Variants in DIAPH2 observed in about 807,000 individuals in gnomAD.
DIAPH2 encodes the protein protein diaphanous homolog 2.
A neutral mutation model predicts 92.7 loss-of-function variants in DIAPH2; 35 were observed. That is an observed-to-expected ratio of 0.38 (90% CI 0.29 to 0.50). The LOEUF (loss-of-function observed/expected upper bound fraction) is 0.50, where lower values mean the gene tolerates loss of function less well. Ranked by LOEUF, DIAPH2 falls within the 20% of genes least tolerant of loss-of-function variation. DIAPH2 has a pLI of 0.94. For synonymous variants in DIAPH2, 301 were observed against 280.4 expected, an observed-to-expected ratio of 1.07 and a Z score of -0.73; for missense variants, 701 against 819.5, an observed-to-expected ratio of 0.86 and a Z score of 1.77.
At chrX:97,092,925 C>G (rs773341604) in intron 19 of DIAPH2, among the ~76,000 whole-genome samples, 2 of 111,052 alleles carry the variant, frequency 1.8e-5, no homozygotes, top group Non-Finnish European at 3.8e-5. Flanking sequence ...TGGCTTACAC[C>G]TATAATCCCA....
chrX:96,726,598 A>C (rs1375785829), intron 1 of DIAPH2, among the ~76,000 whole-genome samples: 3 of 112,069 alleles, frequency 2.7e-5, no homozygotes, highest in African/African-American at 9.7e-5. Flanking sequence ...ACTGAAAAAG[A>C]GCTGGAGCTC....
chrX:96,851,473 C>T (rs1169610746), intron 4 of DIAPH2, among the ~76,000 whole-genome samples: 2 of 111,771 alleles, frequency 1.8e-5, no homozygotes, highest in Non-Finnish European at 3.8e-5. Flanking sequence ...ACCACCCCCC[C>T]TTGCCAAATC....
intron 24 of DIAPH2, among the ~76,000 whole-genome samples, chrX:97,365,172 C>T (rs1323702550): frequency 9.0e-6 from 1 of 110,814 alleles, no homozygotes; most frequent in African/African-American, 3.3e-5. Context: ...AGAATCTTAC[C>T]AAAGCACCGT....
At chrX:97,522,363 T>A (rs952843029) in intron 26 of DIAPH2, among the ~76,000 whole-genome samples, 1 of 111,993 alleles carries the variant, frequency 8.9e-6, no homozygotes, top group Non-Finnish European at 1.9e-5. Context: ...CCCAGCCTGG[T>A]CTCAAACTTC....
Position 97,104,620 on chromosome X carries a change from A to G in DIAPH2, c.2349+4825A>G, listed in dbSNP as rs558358. Among the ~76,000 whole-genome samples, 901 of 110,231 alleles carry G rather than the reference A, an allele frequency of 8.2e-3. 8 individuals carry two copies. The highest frequency in any genetic ancestry group is 0.028 in the African/African-American group (841 of 30,276). ...GGTGTTGAACTCCTGGCCTCTAGCA[A>G]TCCTCCTGCTTCAGCCTCCCAAAAT... On this transcript the variant is annotated intron_variant, in intron 20 of 26. Transcript: ENST00000324765.
intron 23 of DIAPH2, among the ~76,000 whole-genome samples, chrX:97,266,001 A>G (rs1033939703): frequency 1.8e-5 from 2 of 112,100 alleles, no homozygotes; most frequent in Non-Finnish European, 3.8e-5. Flanking sequence ...TTTATCACAT[A>G]CGTTCCTAGT....
At chrX:97,209,829 G>A (rs1236224808) in intron 22 of DIAPH2, among the ~76,000 whole-genome samples, 6 of 110,519 alleles carry the variant, frequency 5.4e-5, no homozygotes, top group Non-Finnish European at 1.1e-4. Flanking sequence ...TTTATTGTTA[G>A]GACCATTTAT....
intron 15 of DIAPH2, among the ~76,000 whole-genome samples, chrX:96,952,395 A>T (rs1289856073): frequency 1.8e-5 from 2 of 112,054 alleles, no homozygotes; most frequent in Non-Finnish European, 3.8e-5. Flanking sequence ...TAAATAGGTC[A>T]GTCCTTTCAA....
chrX:96,749,845 G>A (rs1300338233), intron 3 of DIAPH2, among the ~76,000 whole-genome samples: 1 of 110,809 alleles, frequency 9.0e-6, no homozygotes, highest in Admixed American at 9.7e-5. Context: ...ACACCAGGAA[G>A]AAAGAGGAAG....
At chrX:96,691,954 T>G (rs769648375) in intron 1 of DIAPH2, among the ~76,000 whole-genome samples, 1 of 112,319 alleles carries the variant, frequency 8.9e-6, no homozygotes, top group Non-Finnish European at 1.9e-5. Context: ...AAAAAATCTA[T>G]TTGTTGTTCT....
chrX:96,933,550 A>ATG (rs1409902749), intron 10 of DIAPH2, among the ~76,000 whole-genome samples: 2 of 103,287 alleles, frequency 1.9e-5, no homozygotes, highest in African/African-American at 7.0e-5. Context: ...GTATATATAT[A>ATG]TGTGTGTGTG....
chrX:96,984,619 T>C (rs1322219636), intron 17 of DIAPH2, among the ~76,000 whole-genome samples: 1 of 111,402 alleles, frequency 9.0e-6, no homozygotes, highest in Non-Finnish European at 1.9e-5. Context: ...TCAGGATTAA[T>C]ATGGTTAGAA....
chrX:97,193,753 C>G (rs2067675327), intron 22 of DIAPH2, among the ~76,000 whole-genome samples: 1 of 111,788 alleles, frequency 8.9e-6, no homozygotes, highest in African/African-American at 3.2e-5. Context: ...TTTTAGCATC[C>G]TCACAAAATA....
chrX:97,289,080 CTA>C (rs2068569279), intron 23 of DIAPH2, among the ~76,000 whole-genome samples: 1 of 111,659 alleles, frequency 9.0e-6, no homozygotes, highest in Non-Finnish European at 1.9e-5. Flanking sequence ...GTTATGGACT[CTA>C]TCAACCAAAT....
intron 23 of DIAPH2, among the ~76,000 whole-genome samples, chrX:97,301,150 CAA>C (rs1220185711): frequency 1.2e-4 from 4 of 32,266 alleles, no homozygotes; most frequent in Admixed American, 3.8e-4. Context: ...GACTCCGTCT[CAA>C]AAAAAAAAAA....
intron 4 of DIAPH2, chrX:96,763,161 G>T: frequency 1.1e-6 from 1 of 908,843 alleles, no homozygotes. Context: ...ATATGAATTT[G>T]TGGTTTTGTA....
intron 25 of DIAPH2, among the ~76,000 whole-genome samples, chrX:97,426,502 C>T (rs778359980): frequency 1.8e-5 from 2 of 110,086 alleles, no homozygotes; most frequent in Non-Finnish European, 3.8e-5. Flanking sequence ...GTTGGTCAGG[C>T]TGGTCTTGAA....
chrX:97,222,479 C>T (rs1007858737), intron 22 of DIAPH2, among the ~76,000 whole-genome samples: 1 of 111,953 alleles, frequency 8.9e-6, no homozygotes, highest in Non-Finnish European at 1.9e-5. Flanking sequence ...GCTGGGATTA[C>T]AGGCATGAGC....
intron 26 of DIAPH2, among the ~76,000 whole-genome samples, chrX:97,541,988 A>T (rs1469411982): frequency 8.9e-6 from 1 of 112,412 alleles, no homozygotes; most frequent in Non-Finnish European, 1.9e-5. Flanking sequence ...GTTGCAAAAA[A>T]GTCATGCAGA....
Sources: gnomAD v4.1 joint callset for allele counts (sites outside exome capture counted in the v4.1 genomes callset) on GRCh38, gnomAD v4.1.1 for gene constraint, MANE v1.5 for transcripts, NCBI Gene and HGNC (gene_info 2026-07-23, HGNC 2026-07-21) for gene names.